The following BCR variants were observed in gnomAD, a reference collection of about 807,000 sequenced individuals.
The protein encoded by BCR is BCR activator of RhoGEF and GTPase.
Under a neutral mutation model 138.6 loss-of-function variants are expected in BCR, and 58 were observed. The ratio of observed to expected loss-of-function variants is 0.42; its 90% CI spans 0.34 to 0.52. The LOEUF is 0.52. Ranked by LOEUF, BCR falls within the 20% of genes least tolerant of loss-of-function variation. The pLI, the probability that BCR is intolerant of heterozygous loss-of-function variation, is 0.06. For synonymous variants in BCR, 786 were observed against 730.1 expected, an observed-to-expected ratio of 1.08 and a Z score of -1.23; for missense variants, 1,599 against 1,727.2, an observed-to-expected ratio of 0.93 and a Z score of 1.32.
intron 1 of BCR, among the ~76,000 whole-genome samples, chr22:23,249,013 T>C (rs1182898852): frequency 6.6e-6 from 1 of 152,182 alleles, no homozygotes; most frequent in Non-Finnish European, 1.5e-5. Flanking sequence ...TGGCTGGGCA[T>C]GGTGGCTCAA....
rs116580862 is a variant in BCR at position 23,293,917 on chromosome 22, G to A, written c.2881-1107G>A. 6.7e-3 allele frequency among the ~76,000 whole-genome samples: 1,023 copies of A among 152,118 alleles called. 11 individuals are homozygous for A. Among genetic ancestry groups the A allele is most frequent in the African/African-American group, 0.023 (972 of 41,470 alleles). On this transcript the variant is annotated intron_variant, in intron 15 of 22. Transcript: ENST00000305877. ...GCGCGCACACGCCTCGGTGTGAAGC[G>A]CAGATTCACCAACAGCACCGTCAGG... is the stretch of plus-strand genomic sequence containing the variant.
chr22:23,282,770 C>G (rs1258917193), intron 8 of BCR, among the ~76,000 whole-genome samples: 1 of 152,206 alleles, frequency 6.6e-6, no homozygotes, highest in African/African-American at 2.4e-5. Context: ...TATGTGCCTC[C>G]CCTGCCAACC....
chr22:23,289,653 C>T, intron 13 of BCR, 32 bp downstream of exon 13: 1 of 1,575,778 alleles, frequency 6.3e-7, no homozygotes, highest in Non-Finnish European at 8.7e-7. Context: ...TACAGGGCAC[C>T]TGCAGGGAGG....
chr22:23,262,722 AGGGCGG>A, intron 4 of BCR: 1 of 485,226 alleles, frequency 2.1e-6, no homozygotes, highest in Non-Finnish European at 2.6e-6. Flanking sequence ...GGCCCGGGTG[AGGGCGG>A]GGGCGGAGAG....
intron 1 of BCR, among the ~76,000 whole-genome samples, chr22:23,222,751 G>A (rs6003575): frequency 0.033 from 5,091 of 152,268 alleles, 270 homozygotes; most frequent in African/African-American, 0.11. Flanking sequence ...TGCCCATGCT[G>A]TTGGAACCTT....
intron 1 of BCR, among the ~76,000 whole-genome samples, chr22:23,252,230 C>T (rs1432309753): frequency 6.6e-6 from 1 of 151,946 alleles, no homozygotes. Context: ...ACCTGTAGCC[C>T]CAGTTCCCTG....
chr22:23,296,170 C>G lies in BCR; in HGVS notation c.3012+1015C>G, dbSNP rs961023668. 6.6e-5 allele frequency among the ~76,000 whole-genome samples: 10 copies of G among 151,742 alleles called. No individual in the cohort carries two copies. The South Asian group carries it at 1.0e-3, about 16-fold the overall frequency. ...TGGGCGGATCACGAGGTCAGGAGAT[C>G]GAGACCATCCTGGCTAACACCGTGA... On this transcript the variant is annotated intron_variant, in intron 16 of 22. Transcript: ENST00000305877.
intron 1 of BCR, among the ~76,000 whole-genome samples, chr22:23,207,270 G>A (rs1156913149): frequency 1.3e-5 from 2 of 152,166 alleles, no homozygotes; most frequent in South Asian, 2.1e-4. Context: ...ACCAGGCACT[G>A]AGAAGTGACT....
intron 1 of BCR, among the ~76,000 whole-genome samples, chr22:23,191,046 C>G (rs2072406942): frequency 6.6e-6 from 1 of 152,098 alleles, no homozygotes; most frequent in Admixed American, 6.5e-5. Flanking sequence ...GATCCTCTCT[C>G]CTCAGCCTCC....
chr22:23,308,755 A>ACAGT (rs2073975452), intron 16 of BCR, among the ~76,000 whole-genome samples: 1 of 152,308 alleles, frequency 6.6e-6, no homozygotes, highest in African/African-American at 2.4e-5. Context: ...CTTGGTCATG[A>ACAGT]CAGGGTGTTA....
chr22:23,200,502 A>C (rs1228652141), intron 1 of BCR, among the ~76,000 whole-genome samples: 1 of 151,708 alleles, frequency 6.6e-6, no homozygotes, highest in Non-Finnish European at 1.5e-5. Context: ...TTTTTTGTAG[A>C]GACAAGGTTT....
chr22:23,281,370 C>G (rs1219624909), intron 8 of BCR, among the ~76,000 whole-genome samples: 10 of 152,240 alleles, frequency 6.6e-5, no homozygotes. Context: ...CCCGGCCCAC[C>G]CTTGCCGTGT....
rs116441776 is a variant in BCR, at chr22:23,242,333, C to T, written c.1280-11466C>T. Reference sequence around the variant, plus strand: ...TATTTATTCAGGCCCACTGCAGCCCCCGATTCCATCTCAGGTGATAAGGGC... The same window carrying T: ...TATTTATTCAGGCCCACTGCAGCCCTCGATTCCATCTCAGGTGATAAGGGC... On this transcript the variant is annotated intron_variant, in intron 1 of 22. Transcript: ENST00000305877. 3.8e-3 allele frequency among the ~76,000 whole-genome samples: 584 copies of T among 152,276 alleles called. 9 individuals carry two copies. The highest frequency in any genetic ancestry group is 0.013 in the African/African-American group (553 of 41,542).
At chr22:23,288,204 C>G in intron 12 of BCR, 32 bp downstream of exon 12, 1 of 1,599,944 alleles carries the variant, frequency 6.3e-7, no homozygotes, top group Non-Finnish European at 8.6e-7. Context: ...AGGGGCTGGG[C>G]TTCAAACCAT....
chr22:23,225,710 G>A (rs748381331), intron 1 of BCR, among the ~76,000 whole-genome samples: 3 of 152,184 alleles, frequency 2.0e-5, no homozygotes, highest in Non-Finnish European at 4.4e-5. Flanking sequence ...AGGAGTCCAC[G>A]GTAAAGAATT....
chr22:23,290,727 G>T, intron 14 of BCR: 1 of 370,852 alleles, frequency 2.7e-6, no homozygotes, highest in Non-Finnish European at 5.2e-6. Context: ...GGGGTGCCCG[G>T]GAGTGTGGGG....
intron 1 of BCR, among the ~76,000 whole-genome samples, chr22:23,191,001 T>C (rs777949821): frequency 5.3e-5 from 8 of 152,042 alleles, no homozygotes; most frequent in Non-Finnish European, 1.2e-4. Flanking sequence ...GGCATGATCA[T>C]AGCTCACTGT....
At position 23,283,958 on chromosome 22, in the gene BCR, G is replaced by T. The variant is rs1293711829; in HGVS notation, c.2116-19G>T. The T allele has an allele frequency of 6.3e-7, 1 of 1,578,736 alleles. No homozygotes were observed. The highest frequency in any genetic ancestry group is 2.3e-5 in the East Asian group (1 of 43,202). ...TCACCCCAGGCTGGCCCTGACCCCA[G>T]CCTTCCCTGTGCCTGCAGCACCGGC... On this transcript the variant is annotated intron_variant, in intron 8 of 22. Coordinates refer to ENST00000305877, the MANE Select transcript of BCR (RefSeq NM_004327.4).
rs77014060 is a variant in BCR, at chr22:23,200,312, C to T, written c.1279+18073C>T. Among the ~76,000 whole-genome samples, 784 of 152,072 alleles carry T rather than the reference C, an allele frequency of 5.2e-3. 6 individuals carry two copies. Among genetic ancestry groups the T allele is most frequent in the African/African-American group, 0.018 (746 of 41,448 alleles). Reference sequence around the variant, plus strand: ...AGCTGTTTTGGTTTGAAGCTCAAAGCGGGCTTTTTATTTATTTATTTAGAG... The same window carrying T: ...AGCTGTTTTGGTTTGAAGCTCAAAGTGGGCTTTTTATTTATTTATTTAGAG... On this transcript the variant is annotated intron_variant, in intron 1 of 22. Coordinates refer to ENST00000305877, the MANE Select transcript of BCR (RefSeq NM_004327.4).
Sources: allele counts gnomAD v4.1 joint callset (sites outside exome capture counted in the v4.1 genomes callset), GRCh38; gene constraint gnomAD v4.1.1; transcripts MANE v1.5; gene names NCBI Gene and HGNC (gene_info 2026-07-23, HGNC 2026-07-21).